RAPGEF3: variants seen among roughly 807,000 people sequenced by gnomAD.
RAPGEF3 encodes the protein 9330170P05Rik.
A neutral mutation model predicts 129.8 loss-of-function variants in RAPGEF3; 103 were observed. The ratio of observed to expected loss-of-function variants is 0.79; its 90% CI spans 0.68 to 0.93. The LOEUF (loss-of-function observed/expected upper bound fraction) is 0.93, where lower values mean the gene tolerates loss of function less well. Ranked by LOEUF, RAPGEF3 falls within the 40% of genes least tolerant of loss-of-function variation. RAPGEF3 has a pLI of 0.00. For synonymous variants in RAPGEF3, 436 were observed against 482.6 expected (o/e 0.90, Z 1.26); for missense variants, 1,117 against 1,207.4 (o/e 0.93, Z 1.11).
chr12:47,747,727 G>C lies in RAPGEF3; in HGVS notation c.1458C>G (p.Ala486=), dbSNP rs773942309. 1 of 1,610,682 alleles carries C rather than the reference G, an allele frequency of 6.2e-7. No individual in the cohort carries two copies. ...YGSMLHTDPV[A]TSFLQKLSDL... ...TCCCAGGTACCTGGAGGAAGCTGGT[G>C]GCCACAGGGTCAGTGTGGAGCATGG... The change falls in exon 14 of 28, where the codon GCC becomes GCG. Residue 486 remains alanine (A), a synonymous_variant. Transcript: ENST00000449771.
At chr12:47,758,313 G>A (rs1942225417) in intron 1 of RAPGEF3, 5 of 1,434,438 alleles carry the variant, frequency 3.5e-6, no homozygotes, top group Non-Finnish European at 4.6e-6. Context: ...GCCCTTCTTA[G>A]TCCTCTTTGG....
rs907910172 is a variant in RAPGEF3 at position 47,741,305 on chromosome 12, A to C, written c.1923+200T>G. 9.0e-6 allele frequency: 6 copies of C among 665,874 alleles called. No homozygotes were observed. In the Admixed American group the frequency reaches 1.4e-4, roughly 16 times the overall value. 41.2% of individuals were successfully genotyped at this position (665,874 alleles called of 1,614,324 possible). A position where few individuals can be genotyped will look rare whatever the true frequency, so the allele number is the denominator to read the frequency against. On this transcript the variant is annotated intron_variant, in intron 19 of 27. Coordinates refer to ENST00000449771, the MANE Select transcript of RAPGEF3 (RefSeq NM_001098531.4). ...TCTTTCTCCTTGGGAGCTCCCAACC[A>C]GTGCTACCAGCCCCTGCCCTGCACT...
rs1941645293 is a variant in RAPGEF3, at chr12:47,749,900, G to A, written c.817+30C>T. ...CCTTCTGCCCATGTCCAGGCCCTGT[G>A]CCTGGCTTCTTATGCCCTGCTGGAC... On this transcript the variant is annotated intron_variant, in intron 8 of 27. Coordinates refer to ENST00000449771, the MANE Select transcript of RAPGEF3 (RefSeq NM_001098531.4). The surrounding 1 kb of genome is among the most constrained non-coding windows in gnomAD (Gnocchi z 4.5). 6.2e-7 allele frequency: 1 copy of A among 1,614,004 alleles called. No homozygotes were observed. The highest frequency in any genetic ancestry group is 1.1e-5 in the South Asian group (1 of 91,088).
intron 2 of RAPGEF3, chr12:47,756,098 G>C (rs1942035753): frequency 6.6e-6 from 1 of 152,102 alleles, no homozygotes; most frequent in Non-Finnish European, 1.5e-5. Context: ...CCTTGTTTTG[G>C]TGCCTTTGAC....
In RAPGEF3 at chr12:47,738,008, C is replaced by T. The variant is rs893284481; in HGVS notation, c.2653+14G>A. 1.1e-5 allele frequency: 10 copies of T among 877,550 alleles called. No homozygotes were observed. Among genetic ancestry groups the T allele is most frequent in the East Asian group, 8.8e-5 (2 of 22,808 alleles). The allele number at this position is 877,550 out of a possible 1,614,324, so 54.4% of individuals were successfully genotyped here. A position where few individuals can be genotyped will look rare whatever the true frequency, so the allele number is the denominator to read the frequency against. ...CACCCCCTCCCTGCCCACCCACCATCGCCCACCACTTACATGTGGAAATCC... is the reference window on the plus strand; with the variant it reads ...CACCCCCTCCCTGCCCACCCACCATTGCCCACCACTTACATGTGGAAATCC... On this transcript the variant is annotated intron_variant, in intron 27 of 27. Transcript: ENST00000449771.
intron 12 of RAPGEF3, 71 bp downstream of exon 12, chr12:47,748,383 C>T: frequency 7.1e-7 from 1 of 1,411,984 alleles, no homozygotes; most frequent in Non-Finnish European, 9.9e-7. Context: ...ATGCAGGGTA[C>T]CTGGCTCTCT....
Position 47,740,685 on chromosome 12 carries a change from G to A in RAPGEF3, c.2188C>T (p.Pro730Ser). 3 of 1,613,862 alleles carry A rather than the reference G, an allele frequency of 1.9e-6. No individual in the cohort carries two copies. The highest frequency in any genetic ancestry group is 2.5e-6 in the Non-Finnish European group (3 of 1,179,968). The change falls in exon 21 of 28, where the codon CCC becomes TCC. Residue 730 changes from proline to serine, a missense_variant. Pro to Ser is a moderately conservative substitution (Grantham distance 74). Transcript: ENST00000449771. Reference protein sequence around the residue: ...TELCLCPVPGPRAQLLRKFIK... With the variant: ...TELCLCPVPGSRAQLLRKFIK... The stretch of plus-strand genomic sequence containing the variant: ...AACTTCCTGAGCAGCTGGGCCCGGG[G>A]GCCGGGCACGGGGCAGAGACACAGC...
At position 47,741,059 on chromosome 12, in the gene RAPGEF3, T is replaced by TCCC. The variant is rs770357775; in HGVS notation, c.1924-20_1924-19insGGG. On this transcript the variant is annotated intron_variant, in intron 19 of 27. Transcript: ENST00000449771. The stretch of plus-strand genomic sequence containing the variant: ...GTGGGATCTGCGGGTGGGAGAGTGC[T>TCCC]CAGGGGGCTGCCTGAGGAATCCAGG... 2 of 1,610,608 alleles carry TCCC rather than the reference T, an allele frequency of 1.2e-6. No individual in the cohort carries two copies. Among genetic ancestry groups the TCCC allele is most frequent in the Admixed American group, 1.7e-5 (1 of 59,702 alleles).
intron 3 of RAPGEF3, 36 bp from the exon 4 acceptor site, chr12:47,751,865 G>A (rs959144526): frequency 6.2e-7 from 1 of 1,614,082 alleles, no homozygotes; most frequent in Admixed American, 1.7e-5. Flanking sequence ...TTCAGGCTCT[G>A]AACCCCTCAT....
At chr12:47,756,003 A>G (rs1355617588) in intron 2 of RAPGEF3, 1 of 152,262 alleles carries the variant, frequency 6.6e-6, no homozygotes, top group African/African-American at 2.4e-5. Flanking sequence ...AAAGTTGGTC[A>G]TCAGAAGAGG....
At chr12:47,738,380 T>C in intron 25 of RAPGEF3, 133 bp from the exon 26 acceptor site, 2 of 1,234,454 alleles carry the variant, frequency 1.6e-6, no homozygotes, top group Non-Finnish European at 2.3e-6. Flanking sequence ...TGTGGCATCA[T>C]GTGTACTTCG....
At position 47,751,379 on chromosome 12, in the gene RAPGEF3, C is replaced by T. The variant is rs200083450; in HGVS notation, c.502+20G>A. ...CTGCCCAGCCCAGCCCGGGGCACCCCACCCTGGGCTCGGGCTCACCATGGC... is the reference window on the plus strand; with the variant it reads ...CTGCCCAGCCCAGCCCGGGGCACCCTACCCTGGGCTCGGGCTCACCATGGC... On this transcript the variant is annotated intron_variant, in intron 5 of 27. Coordinates refer to ENST00000449771, the MANE Select transcript of RAPGEF3 (RefSeq NM_001098531.4). 441 of 1,613,400 alleles carry T rather than the reference C, an allele frequency of 2.7e-4. 5 individuals carry two copies. In the African/African-American group the frequency reaches 5.5e-3, roughly 20 times the overall value.
chr12:47,738,680 C>T lies in RAPGEF3; in HGVS notation c.2526+10G>A. The T allele has an allele frequency of 1.3e-6, 2 of 1,592,888 alleles. No individual in the cohort carries two copies. Among genetic ancestry groups the T allele is most frequent in the South Asian group, 1.1e-5 (1 of 90,588 alleles). On this transcript the variant is annotated intron_variant, in intron 25 of 27. Coordinates refer to ENST00000449771, the MANE Select transcript of RAPGEF3 (RefSeq NM_001098531.4). ...TGTTAGTAGTGAATGCCTGCTCTCC[C>T]TGGACTCACCATCTTCTCAAAGTTG...
intron 19 of RAPGEF3, 190 bp downstream of exon 19, chr12:47,741,315 G>C (rs1397052325): frequency 1.6e-5 from 11 of 671,874 alleles, no homozygotes; most frequent in Admixed American, 1.4e-4. Context: ...AGTGCTACCA[G>C]CCCCTGCCCT....
intron 2 of RAPGEF3, among the ~76,000 whole-genome samples, chr12:47,752,355 G>A (rs1443819296): frequency 2.0e-5 from 3 of 152,232 alleles, no homozygotes; most frequent in Non-Finnish European, 4.4e-5. Context: ...TGGGAGCCAG[G>A]ATGTGAGCAG....
chr12:47,741,453 A>G, intron 19 of RAPGEF3, 52 bp downstream of exon 19: 2 of 1,527,354 alleles, frequency 1.3e-6, no homozygotes, highest in Non-Finnish European at 1.8e-6. Context: ...CACCACTGCC[A>G]CACTCAAAAT....
chr12:47,748,787 AGT>A, intron 11 of RAPGEF3, 30 bp downstream of exon 11: 1 of 1,433,996 alleles, frequency 7.0e-7, no homozygotes, highest in Non-Finnish European at 9.8e-7. Flanking sequence ...AAGGAGGGAC[AGT>A]GTGGAGAGGG....
Position 47,740,648 on chromosome 12 carries a change from G to A in RAPGEF3, c.2225C>T (p.Ala742Val), listed in dbSNP as rs368203022. The A allele has an allele frequency of 1.5e-5, 25 of 1,613,480 alleles. No individual in the cohort carries two copies. The highest frequency in any genetic ancestry group is 3.3e-4 in the Middle Eastern group (2 of 6,062). Residue 742 changes from alanine to valine, a missense_variant, in exon 21 of 28, where the codon GCG becomes GTG. Ala to Val is a moderately conservative substitution (Grantham distance 64, BLOSUM62 0). Around this residue, in one of 3 missense-constraint regions of RAPGEF3, gnomAD observed 643 missense variants for 673.4 expected, o/e 0.95. Coordinates refer to ENST00000449771, the MANE Select transcript of RAPGEF3 (RefSeq NM_001098531.4). Reference sequence around the variant, plus strand: ...CCACTGGACAGGGACTCACTGGGCCGCCAGCTTAATGAACTTCCTGAGCAG... The same window carrying A: ...CCACTGGACAGGGACTCACTGGGCCACCAGCTTAATGAACTTCCTGAGCAG... ...AQLLRKFIKL[A>V]AHLKEQKNLN...
chr12:47,751,174 T>A lies in RAPGEF3; in HGVS notation c.545A>T (p.Tyr182Phe). The change falls in exon 6 of 28, where the codon TAC becomes TTC. Residue 182 changes from tyrosine to phenylalanine, a missense_variant. Physicochemically the swap from Tyr to Phe is conservative, Grantham distance 22. Coordinates refer to ENST00000449771, the MANE Select transcript of RAPGEF3 (RefSeq NM_001098531.4). ...CTCGGGCTCGGGCCCGGGGAACCGGTAGAATTGGGCATCTCGGTCCTGGAA... is the reference window on the plus strand; with the variant it reads ...CTCGGGCTCGGGCCCGGGGAACCGGAAGAATTGGGCATCTCGGTCCTGGAA... ...WAFQDRDAQF[Y>F]RFPGPEPEPV... The A allele has an allele frequency of 1.3e-6, 2 of 1,554,394 alleles. No homozygotes were observed. The highest frequency in any genetic ancestry group is 1.7e-6 in the Non-Finnish European group (2 of 1,148,872).
Sources: gnomAD v4.1 joint callset for allele counts (sites outside exome capture counted in the v4.1 genomes callset) on GRCh38, gnomAD v4.1.1 for gene constraint, gnomAD v4.1.1 regional missense constraint, Gnocchi (gnomAD v3.1) non-coding constraint, MANE v1.5 for transcripts, NCBI Gene and HGNC (gene_info 2026-07-23, HGNC 2026-07-21) for gene names.